DPYSL5: variants seen among roughly 807,000 people sequenced by gnomAD.
The protein encoded by DPYSL5 is dihydropyrimidinase-related protein 5.
In DPYSL5, 9 loss-of-function variants were observed where a neutral mutation model predicts 58.4. The observed-to-expected ratio is 0.15, with a 90% CI of 0.09 to 0.27. The LOEUF (loss-of-function observed/expected upper bound fraction) is 0.27, where lower values mean the gene tolerates loss of function less well. DPYSL5 is among the 10% of genes least tolerant of loss of function. The probability of loss-of-function intolerance (pLI) is 1.00; values close to 1 mark genes in which losing one functional copy is unlikely to be tolerated. For synonymous variants in DPYSL5, 293 were observed against 301.9 expected (o/e 0.97, Z 0.31); for missense variants, 499 against 770.6 (o/e 0.65, Z 4.17).
chr2:26,900,325 A>G (rs868781598), intron 2 of DPYSL5, among the ~76,000 whole-genome samples: 2 of 152,234 alleles, frequency 1.3e-5, no homozygotes, highest in South Asian at 4.1e-4. Flanking sequence ...TGGTTTTGGT[A>G]TATTTATCAC....
At chr2:26,882,429 CTGTGTG>C (rs145178218) in intron 1 of DPYSL5, among the ~76,000 whole-genome samples, 39 of 146,300 alleles carry the variant, frequency 2.7e-4, no homozygotes, top group African/African-American at 4.3e-4. Context: ...GTGTGTGTGT[CTGTGTG>C]TGTGTGTGTG....
At chr2:26,872,631 A>C (rs1271743480) in intron 1 of DPYSL5, among the ~76,000 whole-genome samples, 1 of 152,074 alleles carries the variant, frequency 6.6e-6, no homozygotes, top group Admixed American at 6.6e-5. Context: ...CGGAGGTTGC[A>C]GTGAGCCAAG....
At chr2:26,928,117 A>T in intron 4 of DPYSL5, 138 bp from the exon 5 acceptor site, 1 of 870,056 alleles carries the variant, frequency 1.1e-6, no homozygotes, top group Non-Finnish European at 1.8e-6. Flanking sequence ...TAGAAGACGA[A>T]CACTGCAGAA....
intron 1 of DPYSL5, among the ~76,000 whole-genome samples, chr2:26,864,806 CG>C (rs1301787428): frequency 4.6e-5 from 7 of 152,266 alleles, no homozygotes; most frequent in African/African-American, 1.7e-4. Flanking sequence ...GGGGGACAGA[CG>C]CCCAAGGTGG....
chr2:26,932,187 GAA>G (rs757586947), intron 6 of DPYSL5, among the ~76,000 whole-genome samples: 4 of 78,730 alleles, frequency 5.1e-5, no homozygotes, highest in African/African-American at 1.4e-4. Context: ...AAGAAAGAAA[GAA>G]AGAAAGAAAG....
intron 1 of DPYSL5, among the ~76,000 whole-genome samples, chr2:26,856,511 G>A (rs1049378180): frequency 6.6e-6 from 1 of 152,100 alleles, no homozygotes; most frequent in Admixed American, 6.5e-5. Flanking sequence ...CCCATTGTAT[G>A]TATGTACCAA....
chr2:26,865,874 G>T (rs1218920245), intron 1 of DPYSL5, among the ~76,000 whole-genome samples: 2 of 152,114 alleles, frequency 1.3e-5, no homozygotes, highest in Non-Finnish European at 2.9e-5. Context: ...CACAGCCCTT[G>T]CCCCCCACCA....
chr2:26,892,160 G>A (rs1281039709), intron 1 of DPYSL5, among the ~76,000 whole-genome samples: 1 of 152,172 alleles, frequency 6.6e-6, no homozygotes, highest in Non-Finnish European at 1.5e-5. Flanking sequence ...GGATTTTTAT[G>A]ACCTTTAATG....
intron 1 of DPYSL5, among the ~76,000 whole-genome samples, chr2:26,867,455 G>GTTTTTTTTTTTT (rs1342920316): frequency 7.6e-6 from 1 of 132,172 alleles, no homozygotes. Flanking sequence ...TTTTTTTTTT[G>GTTTTTTTTTTTT]TTTGTTTTTT....
intron 1 of DPYSL5, among the ~76,000 whole-genome samples, chr2:26,857,044 G>C (rs1448325284): frequency 6.7e-6 from 1 of 149,378 alleles, no homozygotes; most frequent in Non-Finnish European, 1.5e-5. Context: ...CCTTAGTCTT[G>C]CTACTGCAGT....
intron 1 of DPYSL5, among the ~76,000 whole-genome samples, chr2:26,880,195 G>C (rs950559427): frequency 6.6e-6 from 1 of 152,148 alleles, no homozygotes; most frequent in African/African-American, 2.4e-5. Context: ...CCAGGCCCAT[G>C]CTGCCACTGC....
intron 2 of DPYSL5, among the ~76,000 whole-genome samples, chr2:26,904,370 C>A (rs1664238802): frequency 6.6e-6 from 1 of 152,120 alleles, no homozygotes; most frequent in Admixed American, 6.5e-5. Context: ...ATGTGGCTCA[C>A]TTCCTTTCTT....
At position 26,927,219 on chromosome 2, in the gene DPYSL5, C is replaced by T. The variant is rs1407618856; in HGVS notation, c.421-34C>T. On this transcript the variant is annotated intron_variant, in intron 3 of 12. Transcript: ENST00000288699. The surrounding 1 kb of genome is among the most constrained non-coding windows in gnomAD (Gnocchi z 4.3). Reference sequence around the variant, plus strand: ...CCAGTCGGCCTCTTGGGTGTCTGCCCTCACGCAGCATTGCCCTTCTACTTG... The same window carrying T: ...CCAGTCGGCCTCTTGGGTGTCTGCCTTCACGCAGCATTGCCCTTCTACTTG... 61 of 1,591,458 alleles carry T rather than the reference C, an allele frequency of 3.8e-5. No homozygotes were observed. Among genetic ancestry groups the T allele is most frequent in the Non-Finnish European group, 5.1e-5 (59 of 1,167,010 alleles).
At chr2:26,885,428 T>A (rs1173837108) in intron 1 of DPYSL5, among the ~76,000 whole-genome samples, 1 of 152,072 alleles carries the variant, frequency 6.6e-6, no homozygotes, top group Non-Finnish European at 1.5e-5. Flanking sequence ...GTGGTAGCAG[T>A]TTTCCAGATG....
chr2:26,893,565 T>C (rs938265745), intron 1 of DPYSL5, among the ~76,000 whole-genome samples: 2 of 152,230 alleles, frequency 1.3e-5, no homozygotes, highest in African/African-American at 4.8e-5. Flanking sequence ...GGAATTGGTC[T>C]ACTACTCATT....
chr2:26,864,204 C>T (rs1666086876), intron 1 of DPYSL5, among the ~76,000 whole-genome samples: 1 of 152,222 alleles, frequency 6.6e-6, no homozygotes, highest in Admixed American at 6.5e-5. Flanking sequence ...CAGATCGCTC[C>T]ACTGCACTCC....
chr2:26,875,710 G>A (rs1364007667), intron 1 of DPYSL5, among the ~76,000 whole-genome samples: 2 of 152,230 alleles, frequency 1.3e-5, no homozygotes, highest in South Asian at 4.2e-4. Flanking sequence ...GCTGGGGGTG[G>A]GAAAGAGGCT....
intron 3 of DPYSL5, among the ~76,000 whole-genome samples, chr2:26,926,373 C>T (rs1664830147): frequency 6.6e-6 from 1 of 152,158 alleles, no homozygotes; most frequent in Non-Finnish European, 1.5e-5. Context: ...CTGGAGCTGG[C>T]CTAGAATAGA....
At chr2:26,907,608 A>C (rs897067322) in intron 2 of DPYSL5, among the ~76,000 whole-genome samples, 2 of 151,644 alleles carry the variant, frequency 1.3e-5, no homozygotes, top group Non-Finnish European at 2.9e-5. Flanking sequence ...GCTGCTCCCC[A>C]CACGCACCCA....
Sources: allele counts gnomAD v4.1 joint callset (sites outside exome capture counted in the v4.1 genomes callset), GRCh38; gene constraint gnomAD v4.1.1; non-coding constraint Gnocchi (gnomAD v3.1); transcripts MANE v1.5; gene names NCBI Gene and HGNC (gene_info 2026-07-23, HGNC 2026-07-21).